The following WWOX variants were observed in gnomAD, a reference collection of about 807,000 sequenced individuals.
WWOX encodes the protein WW domain-containing oxidoreductase.
Under a neutral mutation model 46.2 loss-of-function variants are expected in WWOX, and 69 were observed. The ratio of observed to expected loss-of-function variants is 1.49; its 90% confidence interval spans 1.23 to 1.82. The LOEUF (loss-of-function observed/expected upper bound fraction) is 1.82. Ranked by LOEUF, WWOX falls within the 40% of genes most tolerant of loss-of-function variation. The probability of loss-of-function intolerance (pLI) is 0.00; values close to 1 mark genes in which losing one functional copy is unlikely to be tolerated. For synonymous variants in WWOX, 359 were observed against 202.6 expected (o/e 1.77, Z -6.56); for missense variants, 919 against 542.6 (o/e 1.69, Z -6.89).
intron 8 of WWOX, among the ~76,000 whole-genome samples, chr16:78,603,325 C>G (rs765481455): frequency 6.6e-6 from 1 of 152,198 alleles, no homozygotes; most frequent in African/African-American, 2.4e-5. Context: ...GCATCAACTG[C>G]ACCAAAAAGA....
At chr16:78,950,289 C>T (rs184458779) in intron 8 of WWOX, among the ~76,000 whole-genome samples, 82 of 151,834 alleles carry the variant, frequency 5.4e-4, no homozygotes, top group African/African-American at 1.6e-3. Flanking sequence ...TGGAGTGGGG[C>T]GGTATTAGTC....
intron 8 of WWOX, among the ~76,000 whole-genome samples, chr16:78,927,667 C>T (rs748472811): frequency 1.3e-5 from 2 of 152,110 alleles, no homozygotes; most frequent in African/African-American, 4.8e-5. Context: ...GTAATTAAGG[C>T]ATAATTATCA....
At chr16:78,954,084 G>A (rs943578526) in intron 8 of WWOX, among the ~76,000 whole-genome samples, 2 of 152,274 alleles carry the variant, frequency 1.3e-5, no homozygotes, top group African/African-American at 2.4e-5. Context: ...TCAGTTCCTA[G>A]TCATCTTTTC....
intron 8 of WWOX, among the ~76,000 whole-genome samples, chr16:78,481,313 C>A (rs933154786): frequency 6.6e-6 from 1 of 152,122 alleles, no homozygotes; most frequent in Non-Finnish European, 1.5e-5. Flanking sequence ...ACTCTGTGGC[C>A]TCTGTCTCTC....
At chr16:78,501,475 T>C (rs2151475768) in intron 8 of WWOX, among the ~76,000 whole-genome samples, 1 of 151,976 alleles carries the variant, frequency 6.6e-6, no homozygotes, top group East Asian at 1.9e-4. Flanking sequence ...TTTTGCTGGC[T>C]CTCTTTCAAA....
chr16:78,714,488 G>A (rs991545868), intron 8 of WWOX, among the ~76,000 whole-genome samples: 1 of 151,998 alleles, frequency 6.6e-6, no homozygotes, highest in Non-Finnish European at 1.5e-5. Context: ...ACGTGGGGAT[G>A]ATGGGAGATA....
chr16:78,316,922 C>T (rs903623815), intron 5 of WWOX, among the ~76,000 whole-genome samples: 1 of 152,164 alleles, frequency 6.6e-6, no homozygotes, highest in African/African-American at 2.4e-5. Flanking sequence ...ATTCATTATT[C>T]GTTTTTCCAA....
At chr16:78,832,748 T>C (rs2051866422) in intron 8 of WWOX, among the ~76,000 whole-genome samples, 1 of 152,148 alleles carries the variant, frequency 6.6e-6, no homozygotes, top group Non-Finnish European at 1.5e-5. Flanking sequence ...TGGTGGAGCA[T>C]ACAGGCCAGC....
At chr16:78,915,580 A>T (rs540616178) in intron 8 of WWOX, among the ~76,000 whole-genome samples, 1 of 152,328 alleles carries the variant, frequency 6.6e-6, no homozygotes, top group Admixed American at 6.5e-5. Context: ...GAAAAATTGC[A>T]CTGTGACATT....
At chr16:78,681,912 C>G (rs924621648) in intron 8 of WWOX, among the ~76,000 whole-genome samples, 2 of 152,196 alleles carry the variant, frequency 1.3e-5, no homozygotes, top group African/African-American at 4.8e-5. Flanking sequence ...CCCTCATTCT[C>G]TAGTTCTGGG....
intron 8 of WWOX, among the ~76,000 whole-genome samples, chr16:79,187,754 C>T (rs1050529321): frequency 5.3e-5 from 8 of 152,194 alleles, no homozygotes; most frequent in African/African-American, 1.4e-4. Flanking sequence ...GTTGGCCAGG[C>T]TGGTCTCGAA....
chr16:78,295,101 G>C (rs2079922134), intron 5 of WWOX, among the ~76,000 whole-genome samples: 2 of 152,112 alleles, frequency 1.3e-5, no homozygotes, highest in Non-Finnish European at 2.9e-5. Flanking sequence ...GTTAAATCTT[G>C]GAGGAAATCC....
At chr16:78,504,802 A>T (rs1364567857) in intron 8 of WWOX, among the ~76,000 whole-genome samples, 1 of 151,826 alleles carries the variant, frequency 6.6e-6, no homozygotes, top group Non-Finnish European at 1.5e-5. Context: ...GAGCTTATGC[A>T]TCCGTGCTCA....
At chr16:78,850,025 C>G (rs997591962) in intron 8 of WWOX, among the ~76,000 whole-genome samples, 1 of 151,442 alleles carries the variant, frequency 6.6e-6, no homozygotes, top group African/African-American at 2.4e-5. Flanking sequence ...TGAGCCGAGA[C>G]AATGCCATTG....
chr16:78,629,122 T>C (rs369643850), intron 8 of WWOX, among the ~76,000 whole-genome samples: 16 of 152,214 alleles, frequency 1.1e-4, no homozygotes, highest in East Asian at 3.9e-4. Context: ...TAAAATAAAA[T>C]GAAAACTTTT....
chr16:78,446,605 G>T (rs1018987692), intron 8 of WWOX, among the ~76,000 whole-genome samples: 12 of 148,128 alleles, frequency 8.1e-5, no homozygotes, highest in African/African-American at 3.0e-4. Flanking sequence ...AATTACTTAT[G>T]ATATGTTTTT....
rs192314976 is a variant in WWOX, at chr16:78,379,279, T to G, written c.517-7581T>G. Among the ~76,000 whole-genome samples, 173 of 152,298 alleles carry G rather than the reference T, an allele frequency of 1.1e-3. 2 individuals are homozygous for G. Among genetic ancestry groups the G allele is most frequent in the African/African-American group, 3.8e-3 (156 of 41,552 alleles). ...GAGGGGTAGATACACTGCCATCCAA[T>G]CAGCATCAATGGGTACCTTGAAGTG... On this transcript the variant is annotated intron_variant, in intron 5 of 8. Coordinates refer to ENST00000566780, the MANE Select transcript of WWOX (RefSeq NM_016373.4).
intron 8 of WWOX, among the ~76,000 whole-genome samples, chr16:79,156,909 C>T (rs1055218135): frequency 7.2e-5 from 11 of 152,116 alleles, no homozygotes; most frequent in African/African-American, 2.2e-4. Flanking sequence ...CTTTTCATGT[C>T]GAATATGTAG....
intron 8 of WWOX, among the ~76,000 whole-genome samples, chr16:78,941,830 A>T (rs2045857866): frequency 6.6e-6 from 1 of 152,148 alleles, no homozygotes; most frequent in Admixed American, 6.5e-5. Context: ...TGCTTTTACT[A>T]CTATTTTTTC....
Sources: allele counts gnomAD v4.1 joint callset (sites outside exome capture counted in the v4.1 genomes callset), GRCh38; gene constraint gnomAD v4.1.1; transcripts MANE v1.5; gene names NCBI Gene and HGNC (gene_info 2026-07-23, HGNC 2026-07-21).